CSMD1: variants seen among roughly 807,000 people sequenced by gnomAD.
The protein encoded by CSMD1 is CUB and sushi domain-containing protein 1.
In CSMD1, 213 loss-of-function variants were observed where a neutral mutation model predicts 417.5. The ratio of observed to expected loss-of-function variants is 0.51; its 90% confidence interval spans 0.46 to 0.57. The LOEUF (loss-of-function observed/expected upper bound fraction) is 0.57, where lower values mean the gene tolerates loss of function less well. Ranked by LOEUF, CSMD1 falls within the 20% of genes least tolerant of loss-of-function variation. CSMD1 has a pLI of 0.00. For missense variants in CSMD1, 6,923 were observed against 4,529.7 expected (o/e 1.53, Z -15.17); for synonymous variants, 2,862 against 1,736.8 (o/e 1.65, Z -16.11).
intron 5 of CSMD1, among the ~76,000 whole-genome samples, chr8:3,892,397 A>C (rs1807035634): frequency 1.3e-5 from 2 of 152,136 alleles, no homozygotes; most frequent in South Asian, 4.1e-4. Flanking sequence ...TTACCTACAC[A>C]GATCATCAAG....
intron 1 of CSMD1, among the ~76,000 whole-genome samples, chr8:4,756,297 A>T (rs1811662672): frequency 6.6e-6 from 1 of 152,188 alleles, no homozygotes; most frequent in Admixed American, 6.5e-5. Flanking sequence ...AAATTGAGAA[A>T]GTTTTAAATA....
intron 3 of CSMD1, among the ~76,000 whole-genome samples, chr8:4,134,254 A>C (rs1480016811): frequency 6.6e-6 from 1 of 152,182 alleles, no homozygotes; most frequent in Non-Finnish European, 1.5e-5. Flanking sequence ...TGATATATTA[A>C]ATGCCATTGC....
At chr8:4,221,947 C>G (rs1010988203) in intron 3 of CSMD1, among the ~76,000 whole-genome samples, 1 of 152,122 alleles carries the variant, frequency 6.6e-6, no homozygotes, top group Non-Finnish European at 1.5e-5. Flanking sequence ...AGTAACAACA[C>G]TGTCCAGCAC....
At chr8:3,669,088 G>A (rs890466028) in intron 7 of CSMD1, among the ~76,000 whole-genome samples, 2 of 152,172 alleles carry the variant, frequency 1.3e-5, no homozygotes, top group Non-Finnish European at 1.5e-5. Context: ...AAATATGATT[G>A]TGGAAGCCAT....
intron 49 of CSMD1, among the ~76,000 whole-genome samples, chr8:3,069,527 A>G (rs759065106): frequency 6.6e-6 from 1 of 152,122 alleles, no homozygotes; most frequent in African/African-American, 2.4e-5. Flanking sequence ...AAACCTCCCA[A>G]ATAACTTCCT....
chr8:3,839,227 A>G (rs1176175391), intron 5 of CSMD1, among the ~76,000 whole-genome samples: 1 of 125,378 alleles, frequency 8.0e-6, no homozygotes, highest in Non-Finnish European at 1.6e-5. Flanking sequence ...ATAGTATAAT[A>G]TATAATTATA....
chr8:4,725,747 T>C (rs772890381), intron 1 of CSMD1, among the ~76,000 whole-genome samples: 16 of 152,146 alleles, frequency 1.1e-4, no homozygotes, highest in Non-Finnish European at 1.2e-4. Context: ...GCTGTGCTTA[T>C]TTAGTAGCTG....
At chr8:4,025,278 G>A (rs1000898299) in intron 4 of CSMD1, among the ~76,000 whole-genome samples, 1 of 152,134 alleles carries the variant, frequency 6.6e-6, no homozygotes, top group Non-Finnish European at 1.5e-5. Flanking sequence ...CTTCTTGTAT[G>A]CCCCTATCCA....
intron 3 of CSMD1, among the ~76,000 whole-genome samples, chr8:4,036,100 A>C (rs1797602372): frequency 6.6e-6 from 1 of 152,118 alleles, no homozygotes; most frequent in South Asian, 2.1e-4. Flanking sequence ...ACAGGTTTGC[A>C]CTCTAGGAGT....
intron 1 of CSMD1, among the ~76,000 whole-genome samples, chr8:4,975,665 G>A (rs967725597): frequency 2.0e-5 from 3 of 152,156 alleles, no homozygotes; most frequent in African/African-American, 7.2e-5. Context: ...TGAGGTAACG[G>A]TAATTCAAGA....
At chr8:4,948,326 G>A (rs1808503264) in intron 1 of CSMD1, among the ~76,000 whole-genome samples, 1 of 151,698 alleles carries the variant, frequency 6.6e-6, no homozygotes, top group Non-Finnish European at 1.5e-5. Flanking sequence ...TTCCTTTTTT[G>A]AAGTGTCAAT....
chr8:4,548,843 G>C (rs1365484777), intron 2 of CSMD1, among the ~76,000 whole-genome samples: 2 of 152,116 alleles, frequency 1.3e-5, no homozygotes, highest in East Asian at 3.9e-4. Context: ...GGTCTTGGGG[G>C]GACATGTGAT....
intron 5 of CSMD1, among the ~76,000 whole-genome samples, chr8:3,969,153 G>C (rs1157902083): frequency 2.6e-5 from 4 of 152,162 alleles, no homozygotes; most frequent in South Asian, 4.1e-4. Flanking sequence ...GAGAGGCTGA[G>C]GGAGGAGAAT....
intron 5 of CSMD1, among the ~76,000 whole-genome samples, chr8:3,883,430 ATGTT>A (rs1806338603): frequency 1.3e-5 from 2 of 152,080 alleles, no homozygotes; most frequent in African/African-American, 4.8e-5. Flanking sequence ...ATGTGTGTGT[ATGTT>A]TGTGTATATA....
intron 5 of CSMD1, among the ~76,000 whole-genome samples, chr8:3,995,179 G>A (rs779186697): frequency 1.3e-5 from 2 of 152,186 alleles, no homozygotes; most frequent in East Asian, 3.9e-4. Flanking sequence ...GCCTTAAAAG[G>A]GTACTTCAAA....
intron 1 of CSMD1, among the ~76,000 whole-genome samples, chr8:4,829,987 TGTC>T (rs1800057638): frequency 6.6e-6 from 1 of 152,160 alleles, no homozygotes; most frequent in African/African-American, 2.4e-5. Context: ...TCGGACAGCT[TGTC>T]TTTCCGTGCT....
At chr8:3,978,087 G>T (rs554826692) in intron 5 of CSMD1, among the ~76,000 whole-genome samples, 1 of 152,190 alleles carries the variant, frequency 6.6e-6, no homozygotes, top group Non-Finnish European at 1.5e-5. Flanking sequence ...GAAACTCGGT[G>T]TCTGTGAGAA....
chr8:3,183,909 A>T (rs1369399265), intron 36 of CSMD1, among the ~76,000 whole-genome samples: 1 of 152,236 alleles, frequency 6.6e-6, no homozygotes, highest in Non-Finnish European at 1.5e-5. Flanking sequence ...TTAGTGCAAT[A>T]ATCTTCCAAC....
intron 5 of CSMD1, among the ~76,000 whole-genome samples, chr8:3,901,302 A>T (rs993995063): frequency 1.3e-5 from 2 of 152,082 alleles, no homozygotes; most frequent in Non-Finnish European, 2.9e-5. Context: ...TTCTTTCTGC[A>T]TCAGTGACAC....
Sources: gnomAD v4.1 joint callset for allele counts (sites outside exome capture counted in the v4.1 genomes callset) on GRCh38, gnomAD v4.1.1 for gene constraint, MANE v1.5 for transcripts, NCBI Gene and HGNC (gene_info 2026-07-23, HGNC 2026-07-21) for gene names.